The following F13A1 variants were observed in gnomAD, a reference collection of about 807,000 sequenced individuals.
F13A1 encodes the protein FSF, A subunit.
A neutral mutation model predicts 80.1 loss-of-function variants in F13A1; 47 were observed. The observed-to-expected ratio is 0.59, with a 90% confidence interval of 0.46 to 0.75. The LOEUF (loss-of-function observed/expected upper bound fraction) is 0.75. F13A1 is among the 30% of genes least tolerant of loss of function. The pLI, the probability that F13A1 is intolerant of heterozygous loss-of-function variation, is 0.00. For synonymous variants in F13A1, 349 were observed against 344.9 expected, an observed-to-expected ratio of 1.01 and a Z score of -0.13; for missense variants, 817 against 930.4, an observed-to-expected ratio of 0.88 and a Z score of 1.59.
chr6:6,236,575 T>C (rs1757417101), intron 6 of F13A1, among the ~76,000 whole-genome samples: 1 of 152,160 alleles, frequency 6.6e-6, no homozygotes. Flanking sequence ...AGTTACTATT[T>C]CTTTCTGCTT....
chr6:6,147,647 C>T (rs1198548814), intron 14 of F13A1, among the ~76,000 whole-genome samples: 1 of 152,156 alleles, frequency 6.6e-6, no homozygotes, highest in African/African-American at 2.4e-5. Flanking sequence ...GGTTAAGGAC[C>T]CGACCTGAGA....
At chr6:6,228,534 G>C (rs555238480) in intron 6 of F13A1, among the ~76,000 whole-genome samples, 1 of 152,196 alleles carries the variant, frequency 6.6e-6, no homozygotes, top group Non-Finnish European at 1.5e-5. Context: ...AGGAATTCAA[G>C]ACCAGCCTGG....
At chr6:6,252,662 CTT>C (rs1757649502) in intron 4 of F13A1, among the ~76,000 whole-genome samples, 1 of 152,150 alleles carries the variant, frequency 6.6e-6, no homozygotes, top group South Asian at 2.1e-4. Context: ...GAAAAATTAA[CTT>C]TGTCAAAAGA....
chr6:6,210,324 G>GATATATATATATATATAT (rs34960466), intron 8 of F13A1, among the ~76,000 whole-genome samples: 1,845 of 82,470 alleles, frequency 0.022, 136 homozygotes, highest in African/African-American at 0.044. Flanking sequence ...TGTAGCATGT[G>GATATATATATATATATAT]ATATATATAT....
At chr6:6,276,041 G>T (rs780463691) in intron 3 of F13A1, among the ~76,000 whole-genome samples, 12 of 152,204 alleles carry the variant, frequency 7.9e-5, no homozygotes, top group Non-Finnish European at 1.5e-4. Flanking sequence ...AGGAGTCAAA[G>T]AATCTGGACT....
intron 2 of F13A1, among the ~76,000 whole-genome samples, chr6:6,315,901 T>C (rs982070254): frequency 6.6e-6 from 1 of 151,384 alleles, no homozygotes; most frequent in African/African-American, 2.4e-5. Context: ...AAAATGAGTG[T>C]TCTTTCCAAG....
At position 6,206,095 on chromosome 6, in the gene F13A1, G is replaced by C. The variant is rs573342577; in HGVS notation, c.1113-8769C>G. The stretch of plus-strand genomic sequence containing the variant: ...AGTTTATATAATAAATTCTGGACAA[G>C]TGTCTCCATAATTATTGAAAAGGGT... On this transcript the variant is annotated intron_variant, in intron 8 of 14. Transcript: ENST00000264870. Among the ~76,000 whole-genome samples, 6 of 152,266 alleles carry C rather than the reference G, an allele frequency of 3.9e-5. No homozygotes were observed. In the South Asian group the frequency reaches 1.2e-3, roughly 32 times the overall value.
chr6:6,304,579 A>T (rs1316246718), intron 3 of F13A1, among the ~76,000 whole-genome samples: 3 of 152,142 alleles, frequency 2.0e-5, no homozygotes, highest in Non-Finnish European at 4.4e-5. Flanking sequence ...AGGAGGTTAA[A>T]GGCTGGGCAT....
At chr6:6,253,529 G>A (rs769141283) in intron 4 of F13A1, among the ~76,000 whole-genome samples, 26 of 152,304 alleles carry the variant, frequency 1.7e-4, no homozygotes, top group Non-Finnish European at 2.9e-4. Context: ...GGTCTCCGGA[G>A]CTCTCAGGGA....
At chr6:6,297,628 T>G (rs1473712403) in intron 3 of F13A1, among the ~76,000 whole-genome samples, 1 of 148,674 alleles carries the variant, frequency 6.7e-6, no homozygotes, top group African/African-American at 2.6e-5. Flanking sequence ...TCTATTTGAT[T>G]CTTCTCTCTT....
chr6:6,238,611 A>C lies in F13A1; in HGVS notation c.798+9701T>G, dbSNP rs1486643060. On this transcript the variant is annotated intron_variant, in intron 6 of 14. Transcript: ENST00000264870. ...CCATAGTTTGGGGAAAATATGTTCT[A>C]TACATATCTGACAAATGAGAGGTAT... Among the ~76,000 whole-genome samples the C allele has an allele frequency of 1.3e-5, 2 of 152,036 alleles. 1 individual carries two copies. Among genetic ancestry groups the C allele is most frequent in the South Asian group, 4.1e-4 (2 of 4,822 alleles).
chr6:6,266,150 T>C (rs1180453153), intron 4 of F13A1, among the ~76,000 whole-genome samples: 1 of 152,214 alleles, frequency 6.6e-6, no homozygotes, highest in African/African-American at 2.4e-5. Flanking sequence ...TCATTAAAGA[T>C]GGTATATGTA....
intron 11 of F13A1, among the ~76,000 whole-genome samples, chr6:6,180,043 A>G (rs1311929117): frequency 6.6e-6 from 1 of 152,106 alleles, no homozygotes; most frequent in African/African-American, 2.4e-5. Flanking sequence ...TTTCCAAGAG[A>G]CATCTGTCAT....
In F13A1 at chr6:6,244,864, A is replaced by G. The variant is rs570377619; in HGVS notation, c.798+3448T>C. Among the ~76,000 whole-genome samples, 610 of 152,274 alleles carry G rather than the reference A, an allele frequency of 4.0e-3. 1 individual carries two copies. Among genetic ancestry groups the G allele is most frequent in the African/African-American group, 0.014 (585 of 41,556 alleles). ...TCGCTTCCCATATGATGCTGCCTTC[A>G]CTTTCTTTTCAGTCAAGGATGAAAA... On this transcript the variant is annotated intron_variant, in intron 6 of 14. Transcript: ENST00000264870.
intron 8 of F13A1, among the ~76,000 whole-genome samples, chr6:6,201,264 T>G (rs1167588868): frequency 6.6e-6 from 1 of 152,234 alleles, no homozygotes; most frequent in Non-Finnish European, 1.5e-5. Flanking sequence ...GGGGAAAAGT[T>G]TCTTTTCTCT....
At chr6:6,277,642 G>A (rs932020316) in intron 3 of F13A1, among the ~76,000 whole-genome samples, 1 of 152,184 alleles carries the variant, frequency 6.6e-6, no homozygotes, top group Admixed American at 6.5e-5. Context: ...ACTGATTTCA[G>A]CATCTTTCTC....
At chr6:6,176,162 T>TG (rs1760880209) in intron 11 of F13A1, among the ~76,000 whole-genome samples, 1 of 145,942 alleles carries the variant, frequency 6.9e-6, no homozygotes, top group Admixed American at 6.7e-5. Flanking sequence ...GAATGGCTAG[T>TG]GAAAAAAAAA....
At chr6:6,148,332 C>T (rs768515941) in intron 14 of F13A1, among the ~76,000 whole-genome samples, 8 of 152,044 alleles carry the variant, frequency 5.3e-5, no homozygotes, top group East Asian at 1.9e-4. Flanking sequence ...GACACAGCAC[C>T]GCCTTCTTTG....
At chr6:6,183,486 G>C (rs1414564002) in intron 10 of F13A1, among the ~76,000 whole-genome samples, 1 of 152,226 alleles carries the variant, frequency 6.6e-6, no homozygotes, top group East Asian at 1.9e-4. Context: ...GTGCATCAGA[G>C]TCACCTGGAG....
Sources: allele counts gnomAD v4.1 joint callset (sites outside exome capture counted in the v4.1 genomes callset), GRCh38; gene constraint gnomAD v4.1.1; transcripts MANE v1.5; gene names NCBI Gene and HGNC (gene_info 2026-07-23, HGNC 2026-07-21).